Variants in MTFR1L observed in about 807,000 individuals in gnomAD.
The protein encoded by MTFR1L is mitochondrial fission regulator 1-like.
Under a neutral mutation model 27.9 loss-of-function variants are expected in MTFR1L, and 10 were observed. The ratio of observed to expected loss-of-function variants is 0.36; its 90% CI spans 0.22 to 0.61. The LOEUF is 0.61. Among genes scored for constraint, MTFR1L ranks in the 20% least tolerant of loss-of-function variants. MTFR1L has a pLI of 0.73. For synonymous variants in MTFR1L, 151 were observed against 139.4 expected (o/e 1.08, Z -0.58); for missense variants, 315 against 363.7 (o/e 0.87, Z 1.09).
chr1:25,826,532 C>A lies in MTFR1L; in HGVS notation c.240-83C>A. 1 of 1,581,514 alleles carries A rather than the reference C, an allele frequency of 6.3e-7. No individual in the cohort carries two copies. The highest frequency in any genetic ancestry group is 8.7e-7 in the Non-Finnish European group (1 of 1,151,856). On this transcript the variant is annotated intron_variant, in intron 4 of 6. Coordinates refer to ENST00000374303, the MANE Select transcript of MTFR1L (RefSeq NM_001099625.2). This position sits in a 1 kb window ranked among gnomAD's most constrained non-coding sequence, Gnocchi z 4.1. ...AGAGGAGCAGAACCTTACTATACTA[C>A]TCTCACAGAAGTGGGGGAAGGAACC...
In MTFR1L at chr1:25,826,876, C is replaced by T; in HGVS notation, c.451+50C>T. 1.3e-6 allele frequency: 2 copies of T among 1,592,072 alleles called. No homozygotes were observed. Among genetic ancestry groups the T allele is most frequent in the Admixed American group, 1.7e-5 (1 of 57,864 alleles). ...GAACGTAACAGGCTGTTCCTTTCCC[C>T]TGGCTCTTGGGCAGGATAGGGGTAA... On this transcript the variant is annotated intron_variant, in intron 5 of 6. Transcript: ENST00000374303. The surrounding 1 kb of genome is among the most constrained non-coding windows in gnomAD (Gnocchi z 4.1).
chr1:25,822,934 C>G, intron 1 of MTFR1L, 85 bp from the exon 2 acceptor site: 1 of 1,194,806 alleles, frequency 8.4e-7, no homozygotes, highest in Non-Finnish European at 1.2e-6. Flanking sequence ...TCTGCAGGGC[C>G]TGGTTTTTTG....
rs768007186 is a variant in MTFR1L, at chr1:25,832,080, T to C, written c.*54T>C. ...ATGCTCCTGGAATACCTTCAATAGC[T>C]GCCTTCCTCACCGCAGATGTTTCTG... On this transcript the variant is annotated 3_prime_UTR_variant, in exon 7 of 7. Transcript: ENST00000374303. The C allele has an allele frequency of 1.9e-6, 3 of 1,613,458 alleles. No individual in the cohort carries two copies. Among genetic ancestry groups the C allele is most frequent in the Non-Finnish European group, 2.5e-6 (3 of 1,179,918 alleles).
chr1:25,822,767 C>T (rs1572245699), intron 1 of MTFR1L: 1 of 332,124 alleles, frequency 3.0e-6, no homozygotes, highest in African/African-American at 2.8e-5. Flanking sequence ...ACCTCGTGAT[C>T]CGCCCACCTC....
chr1:25,823,502 A>ATTGAGAGTTGACT (rs1444825897), intron 2 of MTFR1L, 142 bp from the exon 3 acceptor site: 1 of 1,354,764 alleles, frequency 7.4e-7, no homozygotes, highest in Non-Finnish European at 1.0e-6. Context: ...CCTCACTATA[A>ATTGAGAGTTGACT]TTGAGAGTTG....
intron 6 of MTFR1L, among the ~76,000 whole-genome samples, chr1:25,831,509 G>A (rs1281425133): frequency 6.6e-6 from 1 of 152,198 alleles, no homozygotes; most frequent in Admixed American, 6.5e-5. Flanking sequence ...ATAGCCAAGA[G>A]TCATCAGTCA....
Position 25,826,927 on chromosome 1 carries a change from G to C in MTFR1L, c.451+101G>C, listed in dbSNP as rs986731317. The C allele has an allele frequency of 7.4e-7, 1 of 1,347,674 alleles. No homozygotes were observed. 83.5% of individuals were successfully genotyped at this position (1,347,674 alleles called of 1,614,324 possible). A position where few individuals can be genotyped will look rare whatever the true frequency, so the allele number is the denominator to read the frequency against. On this transcript the variant is annotated intron_variant, in intron 5 of 6. Transcript: ENST00000374303. The surrounding 1 kb of genome is among the most constrained non-coding windows in gnomAD (Gnocchi z 4.1). ...AGAAAGTGGTAATCCTTGGTTTGCA[G>C]GTACTTAGGTTCCGGGCCCTGGGGT...
In MTFR1L at chr1:25,826,233, T is replaced by C; in HGVS notation, c.130-69T>C. 1 of 1,344,638 alleles carries C rather than the reference T, an allele frequency of 7.4e-7. No homozygotes were observed. Among genetic ancestry groups the C allele is most frequent in the Non-Finnish European group, 1.1e-6 (1 of 943,786 alleles). The allele number at this position is 1,344,638 out of a possible 1,614,324, so 83.3% of individuals were successfully genotyped here. On this transcript the variant is annotated intron_variant, in intron 3 of 6. Transcript: ENST00000374303. This position sits in a 1 kb window ranked among gnomAD's most constrained non-coding sequence, Gnocchi z 4.1. ...AGTGCCGGATTAGGTACCCCTCCTG[T>C]GTATTCTGCAGTTTCTGATTGGCTC... is the stretch of plus-strand genomic sequence containing the variant.
chr1:25,828,179 C>T (rs1304281715), intron 5 of MTFR1L, among the ~76,000 whole-genome samples: 1 of 152,204 alleles, frequency 6.6e-6, no homozygotes, highest in East Asian at 1.9e-4. Context: ...TGTCCCCATG[C>T]CCCACCCTTC....
chr1:25,820,062 G>C, intron 1 of MTFR1L, 33 bp downstream of exon 1: 2 of 404,758 alleles, frequency 4.9e-6, no homozygotes, highest in South Asian at 3.5e-5. Flanking sequence ...GCGGAGGCGG[G>C]AGCGCGACCT....
intron 1 of MTFR1L, among the ~76,000 whole-genome samples, chr1:25,821,301 C>T (rs545696467): frequency 1.3e-5 from 2 of 152,306 alleles, no homozygotes; most frequent in Admixed American, 6.5e-5. Context: ...GCAGTAAGCA[C>T]CGTTAGTGCA....
At position 25,823,031 on chromosome 1, in the gene MTFR1L, G is replaced by A; in HGVS notation, c.-74G>A. 6.2e-7 allele frequency: 1 copy of A among 1,613,784 alleles called. No individual in the cohort carries two copies. Among genetic ancestry groups the A allele is most frequent in the Non-Finnish European group, 8.5e-7 (1 of 1,179,930 alleles). On this transcript the variant is annotated 5_prime_UTR_variant, in exon 2 of 7. It removes an upstream start codon present in the reference 5' UTR. Transcript: ENST00000374303. ...GGTGCTCCTCCAGATGGCCTGATAT[G>A]AAGGAGTCACGCCTCCCGCCTCCCG...
chr1:25,823,462 AGGGTGTAGGCTGGCAACT>A (rs1240105779), intron 2 of MTFR1L, 164 bp from the exon 3 acceptor site: 1 of 976,858 alleles, frequency 1.0e-6, no homozygotes, highest in East Asian at 2.6e-5. Context: ...GTGGCTGGCC[AGGGTGTAGGCTGGCAACT>A]GGGGAACCTG....
chr1:25,826,447 A>G lies in MTFR1L; in HGVS notation c.239+36A>G. The stretch of plus-strand genomic sequence containing the variant: ...CAGTAGCTGGTCTGCTAAGGAATGG[A>G]GAACTTCCCAGAAGAGGTGGCAGGC... On this transcript the variant is annotated intron_variant, in intron 4 of 6. Coordinates refer to ENST00000374303, the MANE Select transcript of MTFR1L (RefSeq NM_001099625.2). This position sits in a 1 kb window ranked among gnomAD's most constrained non-coding sequence, Gnocchi z 4.1. 1 of 1,608,446 alleles carries G rather than the reference A, an allele frequency of 6.2e-7. No homozygotes were observed. Among genetic ancestry groups the G allele is most frequent in the African/African-American group, 1.3e-5 (1 of 74,900 alleles).
At chr1:25,825,977 G>C (rs1345830009) in intron 3 of MTFR1L, 5 of 269,596 alleles carry the variant, frequency 1.9e-5, no homozygotes, top group Non-Finnish European at 3.6e-5. Flanking sequence ...GGGACTACAG[G>C]CGTATACCAC....
chr1:25,829,874 T>C, intron 6 of MTFR1L, 44 bp downstream of exon 6: 1 of 1,500,586 alleles, frequency 6.7e-7, no homozygotes, highest in Non-Finnish European at 9.0e-7. Flanking sequence ...TACTCAGAGT[T>C]GCCCATGGCC....
chr1:25,829,399 A>G (rs1227385746), intron 5 of MTFR1L, 110 bp from the exon 6 acceptor site: 3 of 991,092 alleles, frequency 3.0e-6, no homozygotes. Flanking sequence ...CCAGATTGTC[A>G]TGGTGTCAGC....
chr1:25,829,682 G>A lies in MTFR1L; in HGVS notation c.625G>A (p.Ala209Thr). The part of the protein sequence containing the change: ...ELPSVPLLCS[A>T]SPECCKPEHK... ...TCCATCAGTCCCCCTGCTTTGTTCT[G>A]CCAGCCCTGAATGTTGCAAACCAGA... The change falls in exon 6 of 7, where the codon GCC becomes ACC. Residue 209 changes from alanine (A) to threonine (T), a missense_variant. Physicochemically the swap from Ala to Thr is moderately conservative, Grantham distance 58. Coordinates refer to ENST00000374303, the MANE Select transcript of MTFR1L (RefSeq NM_001099625.2). 6.2e-7 allele frequency: 1 copy of A among 1,614,086 alleles called. No homozygotes were observed. The highest frequency in any genetic ancestry group is 8.5e-7 in the Non-Finnish European group (1 of 1,180,030).
Position 25,826,423 on chromosome 1 carries a change from A to G in MTFR1L, c.239+12A>G, listed in dbSNP as rs2048169087. 6.2e-7 allele frequency: 1 copy of G among 1,613,806 alleles called. No homozygotes were observed. Among genetic ancestry groups the G allele is most frequent in the Non-Finnish European group, 8.5e-7 (1 of 1,179,660 alleles). ...TATGCCCGGGTCAGGTAGTTGAGGC[A>G]GTAGCTGGTCTGCTAAGGAATGGAG... On this transcript the variant is annotated intron_variant, in intron 4 of 6. Transcript: ENST00000374303. The surrounding 1 kb of genome is among the most constrained non-coding windows in gnomAD (Gnocchi z 4.1).
Sources: gnomAD v4.1 joint callset for allele counts (sites outside exome capture counted in the v4.1 genomes callset) on GRCh38, gnomAD v4.1.1 for gene constraint, Gnocchi (gnomAD v3.1) non-coding constraint, MANE v1.5 for transcripts, NCBI Gene and HGNC (gene_info 2026-07-23, HGNC 2026-07-21) for gene names.